The following SLIT3 variants were observed in gnomAD, a reference collection of about 807,000 sequenced individuals.
SLIT3 encodes slit guidance ligand 3.
A neutral mutation model predicts 184.0 loss-of-function variants in SLIT3; 68 were observed. The observed-to-expected ratio is 0.37, with a 90% CI of 0.30 to 0.45. The LOEUF (loss-of-function observed/expected upper bound fraction) is 0.45. Among genes scored for constraint, SLIT3 ranks in the 20% least tolerant of loss-of-function variants. SLIT3 has a pLI of 1.00. For missense variants in SLIT3, 1,707 were observed against 2,026.0 expected, an observed-to-expected ratio of 0.84 and a Z score of 3.02; for synonymous variants, 831 against 828.6, an observed-to-expected ratio of 1.00 and a Z score of -0.05.
chr5:168,809,238 G>C (rs769913357), intron 8 of SLIT3, among the ~76,000 whole-genome samples: 1 of 152,136 alleles, frequency 6.6e-6, no homozygotes, highest in Non-Finnish European at 1.5e-5. Context: ...GAAGTGGCTG[G>C]GTCTTCCGCA....
chr5:168,812,530 A>G (rs917032914), intron 8 of SLIT3, among the ~76,000 whole-genome samples: 1 of 152,226 alleles, frequency 6.6e-6, no homozygotes, highest in African/African-American at 2.4e-5. Context: ...GAAAGTCTGA[A>G]CAACAACAAA....
At chr5:168,924,508 A>ATGTGTG (rs35121067) in intron 4 of SLIT3, among the ~76,000 whole-genome samples, 2 of 141,804 alleles carry the variant, frequency 1.4e-5, no homozygotes, top group African/African-American at 5.4e-5. Context: ...GTGTGTGTGT[A>ATGTGTG]TGTGTGTGTG....
intron 4 of SLIT3, among the ~76,000 whole-genome samples, chr5:169,067,705 G>A (rs997470881): frequency 4.6e-5 from 7 of 152,190 alleles, no homozygotes; most frequent in Non-Finnish European, 1.0e-4. Flanking sequence ...TCAGAGGAGT[G>A]AAATGGAGGG....
In SLIT3 at chr5:168,666,655, C is replaced by A. The variant is rs1200736543; in HGVS notation, c.4371G>T (p.Val1457=). ...ATGCATAACCTTTCTGGCGGCGGATCACCTCTCGGACTACTTGTCCCAGGC... is the reference window on the plus strand; with the variant it reads ...ATGCATAACCTTTCTGGCGGCGGATAACCTCTCGGACTACTTGTCCCAGGC... The part of the protein sequence containing the change: ...NPCLGQVVRE[V]IRRQKGYASC... The change falls in exon 36 of 36, where the codon GTG becomes GTT. Residue 1457 remains valine (V), a synonymous_variant. Transcript: ENST00000519560. The A allele has an allele frequency of 6.2e-7, 1 of 1,614,204 alleles. No homozygotes were observed. The highest frequency in any genetic ancestry group is 1.7e-5 in the Admixed American group (1 of 60,022).
intron 3 of SLIT3, among the ~76,000 whole-genome samples, chr5:169,235,397 T>C (rs1765160758): frequency 6.6e-6 from 1 of 152,222 alleles, no homozygotes; most frequent in Non-Finnish European, 1.5e-5. Flanking sequence ...GCATAAAAAC[T>C]TTTTATATTA....
chr5:168,973,110 C>A (rs989313547), intron 4 of SLIT3, among the ~76,000 whole-genome samples: 2 of 135,712 alleles, frequency 1.5e-5, no homozygotes. Context: ...GGACAAAGAC[C>A]AGTCCCCCAT....
At chr5:168,838,752 G>A (rs909498992) in intron 6 of SLIT3, among the ~76,000 whole-genome samples, 1 of 152,006 alleles carries the variant, frequency 6.6e-6, no homozygotes, top group Non-Finnish European at 1.5e-5. Flanking sequence ...ACCAGAAAAT[G>A]ACCTTTTCCC....
At chr5:168,751,564 C>T (rs1173691312) in intron 18 of SLIT3, among the ~76,000 whole-genome samples, 1 of 152,136 alleles carries the variant, frequency 6.6e-6, no homozygotes, top group Non-Finnish European at 1.5e-5. Flanking sequence ...GAGGCACAGC[C>T]AGGATCTGAA....
At chr5:168,779,306 A>T (rs982466245) in intron 12 of SLIT3, among the ~76,000 whole-genome samples, 1 of 152,328 alleles carries the variant, frequency 6.6e-6, no homozygotes, top group East Asian at 1.9e-4. Context: ...CCTGAGGCTG[A>T]TGGGAGGCGG....
chr5:168,888,415 T>A (rs2113801925), intron 4 of SLIT3, among the ~76,000 whole-genome samples: 1 of 152,318 alleles, frequency 6.6e-6, no homozygotes, highest in East Asian at 1.9e-4. Context: ...GCAGTGAAGT[T>A]CAAAGAAGCA....
chr5:169,172,473 TGCATATTAA>T (rs1374631270), intron 4 of SLIT3, among the ~76,000 whole-genome samples: 1 of 152,222 alleles, frequency 6.6e-6, no homozygotes, highest in African/African-American at 2.4e-5. Flanking sequence ...AAATTCACGG[TGCATATTAA>T]CATGGTAAAT....
intron 4 of SLIT3, among the ~76,000 whole-genome samples, chr5:168,898,064 C>A (rs556220786): frequency 3.3e-5 from 5 of 152,230 alleles, no homozygotes; most frequent in Non-Finnish European, 7.3e-5. Flanking sequence ...AAACTTTTTA[C>A]ATTACAAAGC....
intron 3 of SLIT3, among the ~76,000 whole-genome samples, chr5:169,219,911 C>A (rs185651523): frequency 6.6e-6 from 1 of 152,248 alleles, no homozygotes; most frequent in Non-Finnish European, 1.5e-5. Flanking sequence ...CTCCAGTGGG[C>A]AAGACTTGAC....
intron 4 of SLIT3, among the ~76,000 whole-genome samples, chr5:169,063,985 C>T (rs1168513682): frequency 2.6e-5 from 4 of 152,150 alleles, no homozygotes; most frequent in Non-Finnish European, 5.9e-5. Flanking sequence ...TTTGAAAAAG[C>T]AGTCCTTTAA....
chr5:169,025,106 G>A (rs939678370), intron 4 of SLIT3: 8 of 152,214 alleles, frequency 5.3e-5, no homozygotes, highest in African/African-American at 1.9e-4. Flanking sequence ...TCGCTAATAA[G>A]CACGACCCAA....
intron 4 of SLIT3, among the ~76,000 whole-genome samples, chr5:168,985,355 T>C (rs1233219449): frequency 6.6e-6 from 1 of 152,188 alleles, no homozygotes; most frequent in Non-Finnish European, 1.5e-5. Context: ...GATCGTCATA[T>C]GAGATTGGGC....
chr5:169,238,394 A>G (rs1334129611), intron 3 of SLIT3, among the ~76,000 whole-genome samples: 1 of 151,856 alleles, frequency 6.6e-6, no homozygotes, highest in Non-Finnish European at 1.5e-5. Context: ...CTCCTTTTAT[A>G]TGTTTTCATT....
At chr5:168,967,739 C>G (rs906324084) in intron 4 of SLIT3, among the ~76,000 whole-genome samples, 1 of 152,100 alleles carries the variant, frequency 6.6e-6, no homozygotes, top group African/African-American at 2.4e-5. Context: ...CGCGCCCGGC[C>G]CATCTCAAAT....
intron 5 of SLIT3, among the ~76,000 whole-genome samples, chr5:168,875,498 G>T (rs1311695439): frequency 6.6e-6 from 1 of 152,082 alleles, no homozygotes; most frequent in Non-Finnish European, 1.5e-5. Context: ...GCCAGGTGTG[G>T]TGGCAGGCAC....
Sources: allele counts gnomAD v4.1 joint callset (sites outside exome capture counted in the v4.1 genomes callset), GRCh38; gene constraint gnomAD v4.1.1; transcripts MANE v1.5; gene names NCBI Gene and HGNC (gene_info 2026-07-23, HGNC 2026-07-21).